Variants in DOCK10 observed in about 807,000 individuals in gnomAD.
DOCK10 encodes dedicator of cytokinesis 10.
Under a neutral mutation model 280.1 loss-of-function variants are expected in DOCK10, and 145 were observed. That is an observed-to-expected ratio of 0.52 (90% CI 0.45 to 0.59). DOCK10 has a LOEUF of 0.59. Among genes scored for constraint, DOCK10 ranks in the 20% least tolerant of loss-of-function variants. The pLI is 0.00. For missense variants in DOCK10, 2,368 were observed against 2,651.7 expected, an observed-to-expected ratio of 0.89 and a Z score of 2.35; for synonymous variants, 915 against 942.2, an observed-to-expected ratio of 0.97 and a Z score of 0.53.
At chr2:224,820,779 T>C (rs1053577840) in intron 28 of DOCK10, among the ~76,000 whole-genome samples, 1 of 152,240 alleles carries the variant, frequency 6.6e-6, no homozygotes, top group African/African-American at 2.4e-5. Context: ...TTATCTGATA[T>C]TTAGAGAGAA....
intron 3 of DOCK10, among the ~76,000 whole-genome samples, chr2:224,905,271 C>G (rs982878902): frequency 6.5e-5 from 8 of 123,212 alleles, no homozygotes; most frequent in Non-Finnish European, 1.1e-4. Context: ...GACGGAGTCT[C>G]GCTCTATCGC....
intron 11 of DOCK10, among the ~76,000 whole-genome samples, chr2:224,871,403 T>G (rs6754880): frequency 0.017 from 2,659 of 152,204 alleles, 80 homozygotes; most frequent in African/African-American, 0.061. Flanking sequence ...ATCCACCCAT[T>G]TCTCTCCTTC....
intron 1 of DOCK10, among the ~76,000 whole-genome samples, chr2:224,978,022 C>A (rs944400316): frequency 5.9e-5 from 9 of 152,194 alleles, no homozygotes; most frequent in Admixed American, 3.3e-4. Context: ...GTTAAGTGGG[C>A]ATCTTTATCA....
Position 224,964,145 on chromosome 2 carries a change from G to A in DOCK10, c.124-32477C>T, listed in dbSNP as rs191835483. 4.4e-3 allele frequency among the ~76,000 whole-genome samples: 676 copies of A among 152,178 alleles called. 7 individuals carry two copies. The highest frequency in any genetic ancestry group is 0.014 in the African/African-American group (575 of 41,506). On this transcript the variant is annotated intron_variant, in intron 1 of 55. Coordinates refer to ENST00000258390, the MANE Select transcript of DOCK10 (RefSeq NM_014689.3). ...TGAGATGTCTTATGTGTTTTCCTTG[G>A]TGAAATTTAGATGACTGTATTTAAG...
In DOCK10 at chr2:224,874,766, C is replaced by G; in HGVS notation, c.932-15G>C. On this transcript the variant is annotated splice_polypyrimidine_tract_variant and intron_variant, in intron 8 of 55. Transcript: ENST00000258390. ...ATCCAGCGAATCTTAAAAAGATATA[C>G]CAAGTCAGGTTATTAAATATTACTC... The G allele has an allele frequency of 6.2e-7, 1 of 1,607,326 alleles. No individual in the cohort carries two copies. Among genetic ancestry groups the G allele is most frequent in the Non-Finnish European group, 8.5e-7 (1 of 1,174,008 alleles).
intron 1 of DOCK10, among the ~76,000 whole-genome samples, chr2:224,945,930 C>CA: frequency 6.6e-6 from 1 of 152,114 alleles, no homozygotes; most frequent in Non-Finnish European, 1.5e-5. Flanking sequence ...GATAGCCCCC[C>CA]ACAGAAAAGA....
chr2:225,030,805 ATGTAT>A (rs1410962604), intron 1 of DOCK10, among the ~76,000 whole-genome samples: 1 of 152,178 alleles, frequency 6.6e-6, no homozygotes. Context: ...ATTTTATACA[ATGTAT>A]TGTATAAAGT....
chr2:225,028,457 A>AG (rs1416027963), intron 1 of DOCK10, among the ~76,000 whole-genome samples: 1 of 152,196 alleles, frequency 6.6e-6, no homozygotes, highest in Non-Finnish European at 1.5e-5. Flanking sequence ...AGCTCCACAA[A>AG]GGGTCACAGC....
intron 45 of DOCK10, 105 bp from the exon 46 acceptor site, chr2:224,793,562 G>T: frequency 2.4e-6 from 2 of 818,344 alleles, no homozygotes; most frequent in Non-Finnish European, 1.9e-6. Context: ...ATGTTAGAAG[G>T]ATCCTTTGTA....
intron 3 of DOCK10, among the ~76,000 whole-genome samples, chr2:224,908,671 G>GT (rs1477986792): frequency 1.3e-5 from 2 of 151,658 alleles, no homozygotes; most frequent in African/African-American, 4.8e-5. Context: ...TAATTAAAAA[G>GT]TTTTTTTTAG....
chr2:224,951,341 G>T (rs1010082222), intron 1 of DOCK10, among the ~76,000 whole-genome samples: 1 of 152,056 alleles, frequency 6.6e-6, no homozygotes, highest in African/African-American at 2.4e-5. Flanking sequence ...TCTTATGTAA[G>T]TATGTATTTA....
Position 224,802,799 on chromosome 2 carries a change from G to A in DOCK10, c.4269-759C>T, listed in dbSNP as rs113813826. Among the ~76,000 whole-genome samples the A allele has an allele frequency of 1.0e-3, 154 of 152,292 alleles. 3 individuals carry two copies. The highest frequency in any genetic ancestry group is 3.4e-3 in the African/African-American group (141 of 41,558). ...TTATAACAACACTTATGGAAAGAAAGCAGCATTTGGAAATACCCTGAAGTA... is the reference window on the plus strand; with the variant it reads ...TTATAACAACACTTATGGAAAGAAAACAGCATTTGGAAATACCCTGAAGTA... On this transcript the variant is annotated intron_variant, in intron 39 of 55. Transcript: ENST00000258390.
chr2:224,863,013 T>C (rs2125615596), intron 13 of DOCK10, among the ~76,000 whole-genome samples: 1 of 152,350 alleles, frequency 6.6e-6, no homozygotes, highest in East Asian at 1.9e-4. Flanking sequence ...TTCCTTTTTT[T>C]GACTTAAAAG....
intron 29 of DOCK10, 43 bp downstream of exon 29, chr2:224,819,403 T>C: frequency 7.7e-7 from 1 of 1,299,268 alleles, no homozygotes; most frequent in Non-Finnish European, 1.1e-6. Flanking sequence ...TTATTTACAA[T>C]GCCATAGTTT....
intron 13 of DOCK10, among the ~76,000 whole-genome samples, chr2:224,864,351 AT>A (rs1359555466): frequency 6.6e-6 from 1 of 152,120 alleles, no homozygotes; most frequent in African/African-American, 2.4e-5. Flanking sequence ...CTACTATAAA[AT>A]ACAAAAAATT....
chr2:224,914,585 A>G (rs2125927179), intron 3 of DOCK10, among the ~76,000 whole-genome samples: 1 of 152,312 alleles, frequency 6.6e-6, no homozygotes, highest in East Asian at 1.9e-4. Context: ...CAGGGCAGCC[A>G]GTCTTTATAA....
chr2:224,876,677 T>C (rs947025356), intron 7 of DOCK10, among the ~76,000 whole-genome samples: 11 of 152,164 alleles, frequency 7.2e-5, no homozygotes, highest in Non-Finnish European at 1.6e-4. Flanking sequence ...TCTTCGTATC[T>C]TCCTTGTCCT....
chr2:224,787,503 C>T, intron 48 of DOCK10, 106 bp from the exon 49 acceptor site: 2 of 1,424,738 alleles, frequency 1.4e-6, no homozygotes, highest in African/African-American at 1.4e-5. Flanking sequence ...CCCTCTGTTA[C>T]TGGCATTTAA....
At chr2:224,797,265 AT>A (rs11301276) in intron 42 of DOCK10, 119 bp from the exon 43 acceptor site, 254,294 of 537,494 alleles carry the variant, frequency 0.47, 46,050 homozygotes, top group African/African-American at 0.82. Flanking sequence ...AACTTGGTCT[AT>A]TTTTTTTTTT....
Sources: gnomAD v4.1 joint callset for allele counts (sites outside exome capture counted in the v4.1 genomes callset) on GRCh38, gnomAD v4.1.1 for gene constraint, MANE v1.5 for transcripts, NCBI Gene and HGNC (gene_info 2026-07-23, HGNC 2026-07-21) for gene names.